Variants in EVL observed in about 807,000 individuals in gnomAD.
EVL encodes the protein ena/VASP-like protein.
Under a neutral mutation model 59.6 loss-of-function variants are expected in EVL, and 21 were observed. That is an observed-to-expected ratio of 0.35 (90% CI 0.25 to 0.51). The LOEUF (loss-of-function observed/expected upper bound fraction) is 0.51. Ranked by LOEUF, EVL falls within the 20% of genes least tolerant of loss-of-function variation. EVL has a pLI of 0.97. For missense variants in EVL, 462 were observed against 546.6 expected (o/e 0.85, Z 1.54); for synonymous variants, 198 against 203.5 (o/e 0.97, Z 0.23).
intron 1 of EVL, among the ~76,000 whole-genome samples, chr14:100,018,078 C>T (rs912515520): frequency 6.6e-6 from 1 of 152,246 alleles, no homozygotes; most frequent in African/African-American, 2.4e-5. Flanking sequence ...AGTGCTATGT[C>T]AGGCATTGGG....
intron 1 of EVL, among the ~76,000 whole-genome samples, chr14:100,078,153 G>C (rs2062207612): frequency 6.6e-6 from 1 of 152,220 alleles, no homozygotes; most frequent in Non-Finnish European, 1.5e-5. Context: ...TTTAAAATCT[G>C]TTTTGGAGAG....
rs531707781 is a variant in EVL, at chr14:100,130,174, C to T, written c.839+490C>T. Among the ~76,000 whole-genome samples the T allele has an allele frequency of 2.0e-5, 3 of 152,150 alleles. No homozygotes were observed. Among genetic ancestry groups the T allele is most frequent in the South Asian group, 2.1e-4 (1 of 4,834 alleles). On this transcript the variant is annotated intron_variant, in intron 7 of 13. Transcript: ENST00000392920. This position sits in a 1 kb window ranked among gnomAD's most constrained non-coding sequence, Gnocchi z 4.8. The stretch of plus-strand genomic sequence containing the variant: ...GCCCAGAGGGCATTGCCCTGAGCGA[C>T]GGAGAGAGAGTAGTTCCATCTACAT...
chr14:99,989,646 G>A (rs2060862915), intron 1 of EVL, among the ~76,000 whole-genome samples: 2 of 152,066 alleles, frequency 1.3e-5, no homozygotes, highest in South Asian at 4.1e-4. Context: ...CCTGATTGTA[G>A]TGCCACATTT....
chr14:100,010,470 G>A (rs1299564438), intron 1 of EVL, among the ~76,000 whole-genome samples: 1 of 152,096 alleles, frequency 6.6e-6, no homozygotes, highest in African/African-American at 2.4e-5. Context: ...TCGTGCAGTG[G>A]CACCATCTCA....
In EVL at chr14:100,127,941, C is replaced by G. The variant is rs1487858732; in HGVS notation, c.488-578C>G. ...TGGCTGGTTTTCCTCAGCACCATAC[C>G]CAGCACCTAGCACAGTGCCTGGCAC... is the stretch of plus-strand genomic sequence containing the variant. On this transcript the variant is annotated intron_variant, in intron 5 of 13. Transcript: ENST00000392920. The surrounding 1 kb of genome is among the most constrained non-coding windows in gnomAD (Gnocchi z 4.2). Among the ~76,000 whole-genome samples, 2 of 152,220 alleles carry G rather than the reference C, an allele frequency of 1.3e-5. No homozygotes were observed. The highest frequency in any genetic ancestry group is 2.9e-5 in the Non-Finnish European group (2 of 68,036).
chr14:100,060,430 C>CAAAAA (rs58767352), upstream of EVL, among the ~76,000 whole-genome samples: 3 of 63,628 alleles, frequency 4.7e-5, no homozygotes, highest in Non-Finnish European at 6.9e-5. Flanking sequence ...GACTCCGTCT[C>CAAAAA]AAAAAAAAAA....
At chr14:100,051,449 T>C (rs900878140) in intron 1 of EVL, among the ~76,000 whole-genome samples, 1 of 152,246 alleles carries the variant, frequency 6.6e-6, no homozygotes, top group African/African-American at 2.4e-5. Context: ...ATTCTTCTGG[T>C]TTCTTAATCT....
intron 2 of EVL, among the ~76,000 whole-genome samples, chr14:100,085,501 C>T (rs1031397264): frequency 5.3e-5 from 8 of 152,250 alleles, no homozygotes; most frequent in East Asian, 3.9e-4. Context: ...TTGGTTAGTT[C>T]GGTGCTCTCC....
At chr14:100,134,739 CTT>C (rs1021009011) in intron 8 of EVL, 1 of 152,252 alleles carries the variant, frequency 6.6e-6, no homozygotes, top group Non-Finnish European at 1.5e-5. Context: ...AGTCCGGTGA[CTT>C]GGGCAGGCCC....
Position 100,130,243 on chromosome 14 carries a change from C to T in EVL, c.839+559C>T, listed in dbSNP as rs1230843469. Among the ~76,000 whole-genome samples the T allele has an allele frequency of 6.6e-6, 1 of 152,136 alleles. No homozygotes were observed. Among genetic ancestry groups the T allele is most frequent in the Non-Finnish European group, 1.5e-5 (1 of 68,042 alleles). ...CCTGAGACCTGGCCATGTGTGTCTG[C>T]TCGCTGCAGCGGGTGTGGCTGCAGC... On this transcript the variant is annotated intron_variant, in intron 7 of 13. Transcript: ENST00000392920. The surrounding 1 kb of genome is among the most constrained non-coding windows in gnomAD (Gnocchi z 4.8).
At chr14:100,087,346 G>A (rs533329913) in intron 2 of EVL, among the ~76,000 whole-genome samples, 10 of 152,326 alleles carry the variant, frequency 6.6e-5, no homozygotes, top group Non-Finnish European at 1.2e-4. Context: ...TGTTGCAGTG[G>A]CTCATGCCTG....
At chr14:100,080,777 C>T (rs1333556605) in intron 1 of EVL, among the ~76,000 whole-genome samples, 1 of 152,190 alleles carries the variant, frequency 6.6e-6, no homozygotes, top group African/African-American at 2.4e-5. Context: ...GGTAACTTAA[C>T]ACCATGCAGA....
upstream of EVL, among the ~76,000 whole-genome samples, chr14:100,062,183 TG>T (rs1481474468): frequency 6.7e-6 from 1 of 148,478 alleles, no homozygotes; most frequent in African/African-American, 2.5e-5. Flanking sequence ...GTCAAACCTG[TG>T]CTGTTCAAGA....
chr14:100,123,481 G>A (rs1290197196), intron 3 of EVL, 58 bp from the exon 4 acceptor site: 2 of 1,574,478 alleles, frequency 1.3e-6, no homozygotes, highest in Non-Finnish European at 1.7e-6. Context: ...ACTCCAGTTG[G>A]GTTTGCTGGG....
rs999077656 is a variant in EVL at position 99,972,235 on chromosome 14, G to A, written c.5+178G>A. ...ATTCAGAGCGCGGGAATGGCTTCGC[G>A]AGAGCCGTGGGGGCGTCTGGAGAGC... is the stretch of plus-strand genomic sequence containing the variant. On this transcript the variant is annotated intron_variant, in intron 1 of 13. Transcript: ENST00000402714. This position sits in a 1 kb window ranked among gnomAD's most constrained non-coding sequence, Gnocchi z 4.4. 6.6e-6 allele frequency among the ~76,000 whole-genome samples: 1 copy of A among 151,998 alleles called. No individual in the cohort carries two copies. The highest frequency in any genetic ancestry group is 1.5e-5 in the Non-Finnish European group (1 of 67,958).
chr14:100,058,756 A>C (rs2061774380), intron 1 of EVL, among the ~76,000 whole-genome samples: 1 of 152,182 alleles, frequency 6.6e-6, no homozygotes, highest in Non-Finnish European at 1.5e-5. Flanking sequence ...TGGAATCCCT[A>C]TCTCATAGCA....
chr14:100,095,919 G>A (rs1290865064), intron 2 of EVL, among the ~76,000 whole-genome samples: 1 of 152,184 alleles, frequency 6.6e-6, no homozygotes, highest in Non-Finnish European at 1.5e-5. Flanking sequence ...GTAGAGACGG[G>A]GTTTTGCCAT....
chr14:100,074,044 A>G (rs2062108320), intron 1 of EVL, among the ~76,000 whole-genome samples: 1 of 152,022 alleles, frequency 6.6e-6, no homozygotes, highest in Admixed American at 6.5e-5. Context: ...GTGTGAGTAG[A>G]GGCTAGAGGA....
intron 3 of EVL, among the ~76,000 whole-genome samples, chr14:100,103,433 C>A (rs1247254662): frequency 1.3e-5 from 2 of 152,146 alleles, no homozygotes; most frequent in African/African-American, 4.8e-5. Flanking sequence ...CCCTCTGGAT[C>A]CAGCCTAGTG....
Sources: gnomAD v4.1 joint callset for allele counts (sites outside exome capture counted in the v4.1 genomes callset) on GRCh38, gnomAD v4.1.1 for gene constraint, Gnocchi (gnomAD v3.1) non-coding constraint, MANE v1.5 for transcripts, NCBI Gene and HGNC (gene_info 2026-07-23, HGNC 2026-07-21) for gene names.